Variants in MMUT observed in about 807,000 individuals in gnomAD.
The protein encoded by MMUT is methylmalonyl-CoA mutase, also known as methylmalonyl-CoA mutase, mitochondrial.
A neutral mutation model predicts 79.9 loss-of-function variants in MMUT; 79 were observed. That is an observed-to-expected ratio of 0.99 (90% CI 0.82 to 1.19). The LOEUF (loss-of-function observed/expected upper bound fraction) is 1.19. Among genes scored for constraint, MMUT ranks in the 50% most tolerant of loss-of-function variants. The probability of loss-of-function intolerance (pLI) is 0.00; values close to 1 mark genes in which losing one functional copy is unlikely to be tolerated. For synonymous variants in MMUT, 273 were observed against 295.7 expected (o/e 0.92, Z 0.79); for missense variants, 860 against 917.2 (o/e 0.94, Z 0.81).
chr6:49,443,773 A>G (rs1223927799), intron 9 of MMUT: 2 of 443,052 alleles, frequency 4.5e-6, no homozygotes, highest in African/African-American at 4.1e-5. Flanking sequence ...AGTAAGTACA[A>G]AAAACTTTAC....
chr6:49,443,021 CA>C (rs1411008144), intron 9 of MMUT, among the ~76,000 whole-genome samples: 2 of 151,866 alleles, frequency 1.3e-5, no homozygotes, highest in African/African-American at 4.8e-5. Context: ...GTTAAAGCAA[CA>C]TATTTTTTTA....
At chr6:49,441,349 T>C (rs767768196) in intron 10 of MMUT, among the ~76,000 whole-genome samples, 11 of 152,020 alleles carry the variant, frequency 7.2e-5, no homozygotes, top group Non-Finnish European at 1.6e-4. Flanking sequence ...TTTATAATTA[T>C]TCAAGCAATG....
chr6:49,441,828 C>G lies in MMUT; in HGVS notation c.1808+12G>C. On this transcript the variant is annotated intron_variant, in intron 10 of 12. Coordinates refer to ENST00000274813, the MANE Select transcript of MMUT (RefSeq NM_000255.4). ...AAGATGAAATTCTGGCCTAAGAAAC[C>G]TTACATATTACCTCTTGATAGCAGA... 1 of 1,608,652 alleles carries G rather than the reference C, an allele frequency of 6.2e-7. No individual in the cohort carries two copies. The highest frequency in any genetic ancestry group is 8.5e-7 in the Non-Finnish European group (1 of 1,176,680).
At chr6:49,451,087 G>A (rs1383124841) in intron 6 of MMUT, among the ~76,000 whole-genome samples, 1 of 151,964 alleles carries the variant, frequency 6.6e-6, no homozygotes, top group Non-Finnish European at 1.5e-5. Flanking sequence ...ACAAGAAATA[G>A]TATACATGTG....
intron 1 of MMUT, among the ~76,000 whole-genome samples, chr6:49,459,807 C>T (rs1041709375): frequency 1.3e-5 from 2 of 152,152 alleles, no homozygotes; most frequent in African/African-American, 4.8e-5. Context: ...GTAAATATGA[C>T]TATGTCACAC....
chr6:49,448,874 T>C lies in MMUT; in HGVS notation c.1386A>G (p.Gly462=). The change falls in exon 7 of 13, where the codon GGA becomes GGG. Residue 462 remains glycine, a synonymous_variant. Transcript: ENST00000274813. ...MGGMAKAVAE[G]IPKLRIEECA... is the part of the protein sequence containing the mutation. ...ATTCTTCAATTCGAAGTTTAGGTAT[T>C]CCCTCAGCTACAGCTTTGGCCATTC... The C allele has an allele frequency of 6.2e-7, 1 of 1,613,714 alleles. No homozygotes were observed. Among genetic ancestry groups the C allele is most frequent in the Non-Finnish European group, 8.5e-7 (1 of 1,179,724 alleles).
At chr6:49,460,524 C>T (rs1289187843) in intron 1 of MMUT, among the ~76,000 whole-genome samples, 4 of 152,130 alleles carry the variant, frequency 2.6e-5, no homozygotes, top group Admixed American at 1.3e-4. Context: ...CTGGGTTCAG[C>T]GTCATCATTT....
chr6:49,455,694 A>G (rs2127419278), intron 4 of MMUT, among the ~76,000 whole-genome samples: 2 of 152,334 alleles, frequency 1.3e-5, no homozygotes, highest in East Asian at 3.9e-4. Context: ...TCAACAGCAC[A>G]GTGGATCCCA....
chr6:49,445,273 A>C (rs917726770), intron 8 of MMUT, among the ~76,000 whole-genome samples: 5 of 152,290 alleles, frequency 3.3e-5, no homozygotes, highest in African/African-American at 7.2e-5. Flanking sequence ...ACTAAGAAAA[A>C]GATATACAAT....
Position 49,435,528 on chromosome 6 carries a change from T to G in MMUT, c.2052A>C (p.Glu684Asp). The change falls in exon 12 of 13, where the codon GAA becomes GAC. Residue 684 changes from glutamate to aspartate, a missense_variant. Physicochemically the swap from Glu to Asp is conservative, Grantham distance 45 (BLOSUM62 2). Transcript: ENST00000274813. ...CAAGGGAGTTAAGTTCTTTGATGAG[T>G]TCAGGAACTAGGGTTTTATGACCAG... ...LAAGHKTLVP[E>D]LIKELNSLGR... The G allele has an allele frequency of 6.2e-7, 1 of 1,613,956 alleles. No individual in the cohort carries two copies. The highest frequency in any genetic ancestry group is 8.5e-7 in the Non-Finnish European group (1 of 1,180,002).
intron 8 of MMUT, among the ~76,000 whole-genome samples, chr6:49,447,111 T>G (rs906573340): frequency 6.6e-6 from 1 of 151,872 alleles, no homozygotes; most frequent in Non-Finnish European, 1.5e-5. Context: ...AAGAAGGGAA[T>G]ACGATACTCT....
chr6:49,448,958 G>A lies in MMUT; in HGVS notation c.1333-31C>T, dbSNP rs553052197. 13 of 1,400,734 alleles carry A rather than the reference G, an allele frequency of 9.3e-6. No individual in the cohort carries two copies. In the South Asian group the frequency reaches 1.5e-4, roughly 16 times the overall value. 86.8% of individuals were successfully genotyped at this position (1,400,734 alleles called of 1,614,324 possible). On this transcript the variant is annotated intron_variant, in intron 6 of 12. Coordinates refer to ENST00000274813, the MANE Select transcript of MMUT (RefSeq NM_000255.4). ...AAGAAAAACATTAACAAAACTAAAA[G>A]AGAATATTAAAAATGTGTGTAAACT...
At chr6:49,457,628 ATGT>A in intron 3 of MMUT, 60 bp downstream of exon 3, 1 of 1,377,118 alleles carries the variant, frequency 7.3e-7, no homozygotes, top group Non-Finnish European at 1.0e-6. Flanking sequence ...CAGTTATAGC[ATGT>A]TGTAAAAATT....
intron 10 of MMUT, 147 bp downstream of exon 10, chr6:49,441,693 T>C (rs1036206349): frequency 3.2e-6 from 1 of 316,504 alleles, no homozygotes; most frequent in African/African-American, 2.3e-5. Context: ...ATATAGTCTA[T>C]ATAATTAATA....
At chr6:49,461,439 A>G (rs908060548) in intron 1 of MMUT, among the ~76,000 whole-genome samples, 2 of 152,232 alleles carry the variant, frequency 1.3e-5, no homozygotes, top group Non-Finnish European at 2.9e-5. Flanking sequence ...AGGTTCAACT[A>G]TGTAAAAAGT....
Position 49,435,518 on chromosome 6 carries a change from C to A in MMUT, c.2062G>T (p.Glu688Ter), listed in dbSNP as rs779331475. ...HKTLVPELIK[E>*]LNSLGRPDIL... ...TCTGGCCGTCCAAGGGAGTTAAGTTCTTTGATGAGTTCAGGAACTAGGGTT... is the reference window on the plus strand; with the variant it reads ...TCTGGCCGTCCAAGGGAGTTAAGTTATTTGATGAGTTCAGGAACTAGGGTT... The change falls in exon 12 of 13, where the codon GAA becomes TAA. Residue 688 changes from glutamate to a stop codon, truncating the protein, a stop_gained. Coordinates refer to ENST00000274813, the MANE Select transcript of MMUT (RefSeq NM_000255.4). LOFTEE classifies it high-confidence loss of function. 10 of 1,614,044 alleles carry A rather than the reference C, an allele frequency of 6.2e-6. No homozygotes were observed. Among genetic ancestry groups the A allele is most frequent in the African/African-American group, 1.3e-5 (1 of 74,932 alleles).
intron 11 of MMUT, among the ~76,000 whole-genome samples, chr6:49,437,305 C>T (rs1184591492): frequency 6.6e-6 from 1 of 151,750 alleles, no homozygotes; most frequent in Non-Finnish European, 1.5e-5. Flanking sequence ...GTGAATATTC[C>T]AACCATAGCC....
intron 5 of MMUT, among the ~76,000 whole-genome samples, chr6:49,452,115 T>C (rs1180442866): frequency 6.6e-6 from 1 of 152,190 alleles, no homozygotes; most frequent in Admixed American, 6.6e-5. Context: ...ACTGAATAAA[T>C]GTTAATAAAA....
chr6:49,446,280 G>C (rs998114614), intron 8 of MMUT, among the ~76,000 whole-genome samples: 4 of 151,866 alleles, frequency 2.6e-5, no homozygotes, highest in Non-Finnish European at 5.9e-5. Context: ...AAAGGAAAGC[G>C]TAAGAAAATA....
Sources: gnomAD v4.1 joint callset for allele counts (sites outside exome capture counted in the v4.1 genomes callset) on GRCh38, gnomAD v4.1.1 for gene constraint, MANE v1.5 for transcripts, NCBI Gene and HGNC (gene_info 2026-07-23, HGNC 2026-07-21) for gene names.